PCDHGA12: variants seen among roughly 807,000 people sequenced by gnomAD.
PCDHGA12 encodes the protein protocadherin gamma-A12.
In PCDHGA12, 43 loss-of-function variants were observed where a neutral mutation model predicts 61.1. The observed-to-expected ratio is 0.70, with a 90% CI of 0.55 to 0.91. PCDHGA12 has a LOEUF of 0.91. PCDHGA12 is among the 40% of genes least tolerant of loss of function. The pLI, the probability that PCDHGA12 is intolerant of heterozygous loss-of-function variation, is 0.00. For missense variants in PCDHGA12, 1,236 were observed against 1,227.7 expected (o/e 1.01, Z -0.10); for synonymous variants, 520 against 542.9 (o/e 0.96, Z 0.59).
chr5:141,485,174 A>G lies in PCDHGA12; in HGVS notation c.2425-9633A>G. 6.2e-7 allele frequency: 1 copy of G among 1,611,406 alleles called. No individual in the cohort carries two copies. The highest frequency in any genetic ancestry group is 8.5e-7 in the Non-Finnish European group (1 of 1,177,898). ...AGTAGAGAATTAGCGGGCGGCAGCA[A>G]TGCTCCGCAAGGTGAGAAGCTGGAC... On this transcript the variant is annotated intron_variant, in intron 1 of 3. Coordinates refer to ENST00000252085, the MANE Select transcript of PCDHGA12 (RefSeq NM_003735.3). The surrounding 1 kb of genome is among the most constrained non-coding windows in gnomAD (Gnocchi z 5.7).
chr5:141,443,367 C>T (rs1305408862), intron 1 of PCDHGA12, among the ~76,000 whole-genome samples: 1 of 151,712 alleles, frequency 6.6e-6, no homozygotes, highest in African/African-American at 2.4e-5. Flanking sequence ...TGCCTGTGGT[C>T]TCAGCTACTT....
rs1000935525 is a variant in PCDHGA12 at position 141,512,962 on chromosome 5, G to A, written c.*1789G>A. The A allele has an allele frequency of 1.3e-5, 2 of 152,030 alleles. No individual in the cohort carries two copies. The highest frequency in any genetic ancestry group is 4.8e-5 in the African/African-American group (2 of 41,366). The allele number at this position is 152,030 out of a possible 1,614,324, so 9.4% of individuals were successfully genotyped here. ...TTCTTCGACAAAAAAATAATAAAACGTTTCTTCTGAAAAGCTGAACGTTTC... is the reference window on the plus strand; with the variant it reads ...TTCTTCGACAAAAAAATAATAAAACATTTCTTCTGAAAAGCTGAACGTTTC... On this transcript the variant is annotated 3_prime_UTR_variant, in exon 4 of 4. Transcript: ENST00000252085.
rs549557253 is a variant in PCDHGA12 at position 141,503,310 on chromosome 5, T to C, written c.2484-2083T>C. 2.6e-5 allele frequency among the ~76,000 whole-genome samples: 4 copies of C among 152,176 alleles called. No homozygotes were observed. The East Asian group carries it at 7.7e-4, about 29-fold the overall frequency. On this transcript the variant is annotated intron_variant, in intron 2 of 3. Coordinates refer to ENST00000252085, the MANE Select transcript of PCDHGA12 (RefSeq NM_003735.3). ...TACATAGAAATTGCTCAAGAAAGAA[T>C]TGTTGGAGGGGCGCGGTGGCTCACG...
At chr5:141,441,932 C>A in intron 1 of PCDHGA12, 1 of 347,904 alleles carries the variant, frequency 2.9e-6, no homozygotes. Flanking sequence ...GCGTGGCTGT[C>A]CTACCACGTG....
At chr5:141,496,760 G>A (rs144857340) in intron 2 of PCDHGA12, among the ~76,000 whole-genome samples, 4 of 152,108 alleles carry the variant, frequency 2.6e-5, no homozygotes, top group East Asian at 1.9e-4. Context: ...AATATTTATC[G>A]AGCATCTACT....
At chr5:141,473,236 A>G (rs1314160781) in intron 1 of PCDHGA12, among the ~76,000 whole-genome samples, 1 of 152,200 alleles carries the variant, frequency 6.6e-6, no homozygotes, top group Non-Finnish European at 1.5e-5. Flanking sequence ...GGATCCACAC[A>G]AGTGAATACA....
chr5:141,510,069 CCAGCAGAGTGCCTGG>C (rs994886462), intron 3 of PCDHGA12, among the ~76,000 whole-genome samples: 12 of 152,260 alleles, frequency 7.9e-5, no homozygotes, highest in Admixed American at 7.8e-4. Context: ...TGTGAAGCAT[CCAGCAGAGTGCCTGG>C]CACACAGTAG....
At chr5:141,438,621 TATATATATATATATACAC>T (rs1369797568) in intron 1 of PCDHGA12, among the ~76,000 whole-genome samples, 6 of 41,386 alleles carry the variant, frequency 1.4e-4, no homozygotes, top group South Asian at 9.0e-4. Context: ...TATATATATA[TATATATATATATATACAC>T]ACACACACAC....
intron 1 of PCDHGA12, among the ~76,000 whole-genome samples, chr5:141,478,961 C>T (rs887338339): frequency 6.6e-6 from 1 of 152,206 alleles, no homozygotes; most frequent in Non-Finnish European, 1.5e-5. Context: ...CCTCATTCCT[C>T]CACCTTTCAA....
intron 1 of PCDHGA12, among the ~76,000 whole-genome samples, chr5:141,473,422 A>C (rs2154571673): frequency 6.6e-6 from 1 of 152,332 alleles, no homozygotes; most frequent in African/African-American, 2.4e-5. Context: ...TGGGGGAAGC[A>C]GATACTTTGC....
Position 141,476,845 on chromosome 5 carries a change from C to T in PCDHGA12, c.2425-17962C>T. On this transcript the variant is annotated intron_variant, in intron 1 of 3. Transcript: ENST00000252085. The surrounding 1 kb of genome is among the most constrained non-coding windows in gnomAD (Gnocchi z 7.6). ...TGGACGCGAATGACAATGCGCCTGT[C>T]TTCAACCAGTCCTTGTACCGGGCGC... 1 of 1,613,794 alleles carries T rather than the reference C, an allele frequency of 6.2e-7. No homozygotes were observed. Among genetic ancestry groups the T allele is most frequent in the Non-Finnish European group, 8.5e-7 (1 of 1,180,054 alleles).
Position 141,489,806 on chromosome 5 carries a change from A to G in PCDHGA12, c.2425-5001A>G. 1 of 1,614,198 alleles carries G rather than the reference A, an allele frequency of 6.2e-7. No homozygotes were observed. Among genetic ancestry groups the G allele is most frequent in the South Asian group, 1.1e-5 (1 of 91,082 alleles). Reference sequence around the variant, plus strand: ...AATGTGAAGACCCTAAAAGATGGGAAGCCATTCCCAGAGCTGGTGCTAGAG... The same window carrying G: ...AATGTGAAGACCCTAAAAGATGGGAGGCCATTCCCAGAGCTGGTGCTAGAG... On this transcript the variant is annotated intron_variant, in intron 1 of 3. Coordinates refer to ENST00000252085, the MANE Select transcript of PCDHGA12 (RefSeq NM_003735.3). The surrounding 1 kb of genome is among the most constrained non-coding windows in gnomAD (Gnocchi z 4.5).
chr5:141,506,415 C>T lies in PCDHGA12; in HGVS notation c.2572+934C>T, dbSNP rs2099853185. 2.0e-5 allele frequency among the ~76,000 whole-genome samples: 3 copies of T among 148,290 alleles called. No homozygotes were observed. The South Asian group carries it at 6.4e-4, about 32-fold the overall frequency. On this transcript the variant is annotated intron_variant, in intron 3 of 3. Coordinates refer to ENST00000252085, the MANE Select transcript of PCDHGA12 (RefSeq NM_003735.3). ...GAGCAGAAAATCGCACCACTGCACT[C>T]CAGCCTGGGCAACAGTCTCGCTCTG...
intron 1 of PCDHGA12, among the ~76,000 whole-genome samples, chr5:141,482,914 A>G (rs1023561837): frequency 6.6e-6 from 1 of 152,162 alleles, no homozygotes; most frequent in Non-Finnish European, 1.5e-5. Context: ...TCTATTAAAA[A>G]TACAAAAAAT....
At position 141,491,265 on chromosome 5, in the gene PCDHGA12, C is replaced by G. The variant is rs868682993; in HGVS notation, c.2425-3542C>G. ...AGGATGAGGACCCTGAGGAAATGCCCAAATCCAGTGACTTCCTCATACACC... is the reference window on the plus strand; with the variant it reads ...AGGATGAGGACCCTGAGGAAATGCCGAAATCCAGTGACTTCCTCATACACC... On this transcript the variant is annotated intron_variant, in intron 1 of 3. Transcript: ENST00000252085. The surrounding 1 kb of genome is among the most constrained non-coding windows in gnomAD (Gnocchi z 6.9). The G allele has an allele frequency of 6.2e-7, 1 of 1,614,074 alleles. No individual in the cohort carries two copies. The highest frequency in any genetic ancestry group is 8.5e-7 in the Non-Finnish European group (1 of 1,179,916).
At position 141,431,525 on chromosome 5, in the gene PCDHGA12, G is replaced by A. The variant is rs1390184616; in HGVS notation, c.766G>A (p.Ala256Thr). The A allele has an allele frequency of 5.6e-6, 9 of 1,613,956 alleles. No individual in the cohort carries two copies. Among genetic ancestry groups the A allele is most frequent in the Non-Finnish European group, 7.6e-6 (9 of 1,180,044 alleles). Reference protein sequence around the residue: ...EYRASVPENLALGTQLLVVNA... With the variant: ...EYRASVPENLTLGTQLLVVNA... ...CCGCGCGAGCGTTCCGGAGAATCTG[G>A]CCTTGGGCACGCAGCTGCTTGTAGT... Residue 256 changes from alanine to threonine, a missense_variant, in exon 1 of 4, where the codon GCC becomes ACC. Transcript: ENST00000252085. This position sits in a 1 kb window ranked among gnomAD's most constrained non-coding sequence, Gnocchi z 4.8.
Position 141,477,932 on chromosome 5 carries a change from C to T in PCDHGA12, c.2425-16875C>T. 1 of 1,614,158 alleles carries T rather than the reference C, an allele frequency of 6.2e-7. No homozygotes were observed. The highest frequency in any genetic ancestry group is 8.5e-7 in the Non-Finnish European group (1 of 1,180,034). ...CGCGGATGCAGGGCACAATGCCTGGCTCTCCTACAGTCTCTTGGGATCCCC... is the reference window on the plus strand; with the variant it reads ...CGCGGATGCAGGGCACAATGCCTGGTTCTCCTACAGTCTCTTGGGATCCCC... On this transcript the variant is annotated intron_variant, in intron 1 of 3. Coordinates refer to ENST00000252085, the MANE Select transcript of PCDHGA12 (RefSeq NM_003735.3). This position sits in a 1 kb window ranked among gnomAD's most constrained non-coding sequence, Gnocchi z 4.9.
At chr5:141,461,501 T>G (rs113852528) in intron 1 of PCDHGA12, among the ~76,000 whole-genome samples, 1 of 152,310 alleles carries the variant, frequency 6.6e-6, no homozygotes, top group South Asian at 2.1e-4. Flanking sequence ...TTATTTTTCT[T>G]GGTGATTTGT....
intron 1 of PCDHGA12, among the ~76,000 whole-genome samples, chr5:141,445,180 GT>G (rs745433969): frequency 6.6e-6 from 1 of 152,148 alleles, no homozygotes; most frequent in Non-Finnish European, 1.5e-5. Flanking sequence ...GAAAAACTAT[GT>G]TTTTATGTAT....
Sources: gnomAD v4.1 joint callset for allele counts (sites outside exome capture counted in the v4.1 genomes callset) on GRCh38, gnomAD v4.1.1 for gene constraint, Gnocchi (gnomAD v3.1) non-coding constraint, MANE v1.5 for transcripts, NCBI Gene and HGNC (gene_info 2026-07-23, HGNC 2026-07-21) for gene names.